The following PHACTR4 variants were observed in gnomAD, a reference collection of about 807,000 sequenced individuals.
PHACTR4 encodes the protein protein phosphatase 1, regulatory subunit 124.
Under a neutral mutation model 72.7 loss-of-function variants are expected in PHACTR4, and 51 were observed. The observed-to-expected ratio is 0.70, with a 90% CI of 0.56 to 0.89. The LOEUF (loss-of-function observed/expected upper bound fraction) is 0.89. Among genes scored for constraint, PHACTR4 ranks in the 40% least tolerant of loss-of-function variants. The pLI, the probability that PHACTR4 is intolerant of heterozygous loss-of-function variation, is 0.00. For missense variants in PHACTR4, 731 were observed against 861.8 expected, an observed-to-expected ratio of 0.85 and a Z score of 1.90; for synonymous variants, 255 against 302.5, an observed-to-expected ratio of 0.84 and a Z score of 1.63.
At chr1:28,404,637 A>G (rs1654194589) in intron 1 of PHACTR4, among the ~76,000 whole-genome samples, 1 of 152,146 alleles carries the variant, frequency 6.6e-6, no homozygotes, top group South Asian at 2.1e-4. Flanking sequence ...GTCATATGGT[A>G]AACTCTATGT....
intron 2 of PHACTR4, among the ~76,000 whole-genome samples, chr1:28,451,523 C>T (rs927963743): frequency 6.6e-6 from 1 of 151,856 alleles, no homozygotes; most frequent in Non-Finnish European, 1.5e-5. Flanking sequence ...CTTCCTGCCT[C>T]AGCCTCCTGA....
intron 6 of PHACTR4, 93 bp from the exon 7 acceptor site, chr1:28,473,461 T>C: frequency 1.1e-6 from 1 of 925,936 alleles, no homozygotes; most frequent in Admixed American, 2.3e-5. Flanking sequence ...CTTAAAAGAT[T>C]AAAACTGAAC....
chr1:28,369,925 C>T (rs1651086384), intron 1 of PHACTR4, 100 bp downstream of exon 1: 1 of 384,550 alleles, frequency 2.6e-6, no homozygotes, highest in Non-Finnish European at 5.0e-6. Context: ...GCGAGAGGGT[C>T]CCGGTCCGGG....
chr1:28,395,704 A>G (rs1653444472), intron 1 of PHACTR4, among the ~76,000 whole-genome samples: 1 of 144,864 alleles, frequency 6.9e-6, no homozygotes, highest in African/African-American at 2.6e-5. Context: ...CAATGGCACC[A>G]TCTTGGCTCA....
chr1:28,486,972 G>C (rs1184272320), intron 9 of PHACTR4, among the ~76,000 whole-genome samples: 1 of 152,040 alleles, frequency 6.6e-6, no homozygotes, highest in Non-Finnish European at 1.5e-5. Flanking sequence ...AGACCAGCCT[G>C]GGCAATATGG....
In PHACTR4 at chr1:28,491,789, T is replaced by A; in HGVS notation, c.2016+2T>A. 6.2e-7 allele frequency: 1 copy of A among 1,611,942 alleles called. No individual in the cohort carries two copies. Reference sequence around the variant, plus strand: ...ACCAAACTGACCCCTGCTGACAAGGTACCTGGAAAGCACTCTCTTGCTTTT... The same window carrying A: ...ACCAAACTGACCCCTGCTGACAAGGAACCTGGAAAGCACTCTCTTGCTTTT... On this transcript the variant is annotated splice_donor_variant, in intron 12 of 13. Transcript: ENST00000373839. LOFTEE classifies it high-confidence loss of function.
intron 2 of PHACTR4, among the ~76,000 whole-genome samples, chr1:28,418,488 AAAAAC>A (rs1233634390): frequency 3.3e-5 from 5 of 152,006 alleles, no homozygotes; most frequent in Middle Eastern, 3.2e-3. Flanking sequence ...CTCAAAAACA[AAAAAC>A]AAAACAAAAC....
chr1:28,489,581 A>G (rs549414868), intron 10 of PHACTR4, among the ~76,000 whole-genome samples: 1 of 152,194 alleles, frequency 6.6e-6, no homozygotes, highest in South Asian at 2.1e-4. Flanking sequence ...AGACCTTCCT[A>G]TTCCTAGAAT....
chr1:28,433,519 A>T (rs1279197398), intron 2 of PHACTR4, among the ~76,000 whole-genome samples: 7 of 130,170 alleles, frequency 5.4e-5, no homozygotes, highest in Non-Finnish European at 1.1e-4. Context: ...GTGCACTGGC[A>T]CAATCTCAGC....
At chr1:28,455,334 T>G (rs1658313766) in intron 2 of PHACTR4, among the ~76,000 whole-genome samples, 1 of 151,204 alleles carries the variant, frequency 6.6e-6, no homozygotes, top group African/African-American at 2.4e-5. Flanking sequence ...GTAGCTGGGA[T>G]TATAGGCGTG....
chr1:28,458,101 TG>T (rs1658530507), intron 2 of PHACTR4, among the ~76,000 whole-genome samples: 18 of 108,442 alleles, frequency 1.7e-4, no homozygotes, highest in African/African-American at 3.3e-4. Flanking sequence ...TATTATGGTG[TG>T]TGTGTTTGTG....
intron 8 of PHACTR4, among the ~76,000 whole-genome samples, chr1:28,478,182 A>T (rs938659827): frequency 2.0e-5 from 3 of 152,154 alleles, no homozygotes; most frequent in Non-Finnish European, 4.4e-5. Flanking sequence ...TATTTCACTT[A>T]ACGTAATTGT....
intron 9 of PHACTR4, among the ~76,000 whole-genome samples, chr1:28,481,929 G>A (rs548959874): frequency 3.3e-5 from 5 of 152,080 alleles, no homozygotes; most frequent in African/African-American, 9.6e-5. Context: ...ATGGAGCCTC[G>A]CTCTGTCACC....
intron 9 of PHACTR4, among the ~76,000 whole-genome samples, chr1:28,488,367 G>C (rs1265354922): frequency 6.6e-6 from 1 of 152,120 alleles, no homozygotes; most frequent in African/African-American, 2.4e-5. Flanking sequence ...CGTGGTGGCA[G>C]GCGCCTGTAG....
chr1:28,382,337 T>C (rs951290828), intron 1 of PHACTR4, among the ~76,000 whole-genome samples: 4 of 151,958 alleles, frequency 2.6e-5, no homozygotes, highest in African/African-American at 9.7e-5. Flanking sequence ...AGAGTCTCCC[T>C]CTGTTGCCCA....
chr1:28,426,766 T>C (rs887410829), intron 2 of PHACTR4, among the ~76,000 whole-genome samples: 1 of 151,278 alleles, frequency 6.6e-6, no homozygotes, highest in Non-Finnish European at 1.5e-5. Flanking sequence ...CCCACTGGTC[T>C]CAAACTCCTG....
At chr1:28,457,838 C>T in intron 2 of PHACTR4, 4 of 984,748 alleles carry the variant, frequency 4.1e-6, no homozygotes, top group Non-Finnish European at 4.8e-6. Context: ...CTAGACTTCT[C>T]CAGAGAACCT....
chr1:28,414,247 G>A (rs1300284574), intron 2 of PHACTR4, among the ~76,000 whole-genome samples: 2 of 151,750 alleles, frequency 1.3e-5, no homozygotes, highest in Non-Finnish European at 2.9e-5. Flanking sequence ...GCTAATTTTT[G>A]TAGTTTTAGG....
intron 1 of PHACTR4, among the ~76,000 whole-genome samples, chr1:28,400,057 A>AG (rs1442225510): frequency 6.6e-6 from 1 of 152,210 alleles, no homozygotes; most frequent in Non-Finnish European, 1.5e-5. Context: ...CAGGACATGT[A>AG]GGATCTTATA....
Sources: gnomAD v4.1 joint callset for allele counts (sites outside exome capture counted in the v4.1 genomes callset) on GRCh38, gnomAD v4.1.1 for gene constraint, MANE v1.5 for transcripts, NCBI Gene and HGNC (gene_info 2026-07-23, HGNC 2026-07-21) for gene names.